KCNN2: variants seen among roughly 807,000 people sequenced by gnomAD.
The protein encoded by KCNN2 is potassium calcium-activated channel subfamily N member 2.
A neutral mutation model predicts 55.5 loss-of-function variants in KCNN2; 24 were observed. That is an observed-to-expected ratio of 0.43 (90% confidence interval 0.31 to 0.61). KCNN2 has a LOEUF of 0.61. Ranked by LOEUF, KCNN2 falls within the 20% of genes least tolerant of loss-of-function variation. The pLI is 0.08. For synonymous variants in KCNN2, 431 were observed against 336.1 expected, an observed-to-expected ratio of 1.28 and a Z score of -3.09; for missense variants, 754 against 853.6, an observed-to-expected ratio of 0.88 and a Z score of 1.45.
At chr5:114,387,893 G>A (rs1443555480) in intron 2 of KCNN2, among the ~76,000 whole-genome samples, 1 of 152,134 alleles carries the variant, frequency 6.6e-6, no homozygotes, top group African/African-American at 2.4e-5. Context: ...ATTTATCATA[G>A]GAGAAAAAGA....
chr5:114,136,680 G>A (rs1287134596), intron 1 of KCNN2, among the ~76,000 whole-genome samples: 2 of 152,114 alleles, frequency 1.3e-5, no homozygotes, highest in Non-Finnish European at 2.9e-5. Flanking sequence ...ATGAAATTGG[G>A]AATAAGACAA....
At chr5:114,332,291 C>A (rs1756838840) in intron 2 of KCNN2, among the ~76,000 whole-genome samples, 1 of 152,144 alleles carries the variant, frequency 6.6e-6, no homozygotes, top group African/African-American at 2.4e-5. Context: ...ATGTGCCAAT[C>A]CCCACACTAG....
chr5:114,442,649 A>AACG (rs1760260435), intron 3 of KCNN2, among the ~76,000 whole-genome samples: 1 of 152,174 alleles, frequency 6.6e-6, no homozygotes, highest in African/African-American at 2.4e-5. Context: ...ATGAATGGCA[A>AACG]ACGACGGAAG....
intron 2 of KCNN2, among the ~76,000 whole-genome samples, chr5:114,333,878 A>T (rs957521251): frequency 6.6e-6 from 1 of 152,198 alleles, no homozygotes; most frequent in East Asian, 1.9e-4. Flanking sequence ...GCTGTCAACT[A>T]TGTTCAACTG....
intron 1 of KCNN2, among the ~76,000 whole-genome samples, chr5:114,058,410 G>A (rs1444260676): frequency 1.3e-5 from 2 of 152,152 alleles, no homozygotes; most frequent in Admixed American, 1.3e-4. Flanking sequence ...CTGTGTTTTG[G>A]CAGGTCACAA....
At chr5:114,160,075 A>C (rs1752736138) in intron 1 of KCNN2, among the ~76,000 whole-genome samples, 1 of 151,876 alleles carries the variant, frequency 6.6e-6, no homozygotes, top group Non-Finnish European at 1.5e-5. Flanking sequence ...TTGCTTCTCT[A>C]GTTCTTTTAA....
intron 6 of KCNN2, among the ~76,000 whole-genome samples, chr5:114,489,254 C>A (rs1322569532): frequency 1.3e-5 from 2 of 152,060 alleles, no homozygotes; most frequent in Admixed American, 6.6e-5. Context: ...CCGTAAAATG[C>A]TTTCAACTTT....
intron 5 of KCNN2, among the ~76,000 whole-genome samples, chr5:114,486,227 T>C (rs1459766554): frequency 3.3e-5 from 5 of 152,218 alleles, no homozygotes; most frequent in African/African-American, 9.6e-5. Flanking sequence ...CAACTTCTTA[T>C]AGTAAGTAAT....
intron 1 of KCNN2, among the ~76,000 whole-genome samples, chr5:114,154,882 C>CT (rs1256751632): frequency 4.6e-5 from 7 of 151,848 alleles, no homozygotes; most frequent in East Asian, 3.9e-4. Context: ...AGGGAACATT[C>CT]TTTTTTTTAA....
At chr5:114,295,651 C>G (rs1170439112) in intron 2 of KCNN2, among the ~76,000 whole-genome samples, 1 of 152,142 alleles carries the variant, frequency 6.6e-6, no homozygotes, top group Non-Finnish European at 1.5e-5. Context: ...CTTGCACTTC[C>G]CAAGTGAGGC....
chr5:114,370,192 T>G (rs1298700215), intron 2 of KCNN2, among the ~76,000 whole-genome samples: 4 of 152,136 alleles, frequency 2.6e-5, no homozygotes, highest in Non-Finnish European at 5.9e-5. Context: ...TTTATGTCAT[T>G]GTTAATAAAA....
At chr5:114,210,917 A>G (rs1438667129) in intron 1 of KCNN2, among the ~76,000 whole-genome samples, 3 of 152,194 alleles carry the variant, frequency 2.0e-5, no homozygotes, top group African/African-American at 7.2e-5. Flanking sequence ...GTTACAGAAC[A>G]GACACTTTTC....
intron 3 of KCNN2, among the ~76,000 whole-genome samples, chr5:114,410,327 T>C (rs1759093299): frequency 2.6e-5 from 4 of 152,206 alleles, no homozygotes; most frequent in African/African-American, 9.6e-5. Flanking sequence ...GCACCGTTTC[T>C]GAGCAAGAAT....
chr5:114,162,226 G>A (rs991871293), intron 1 of KCNN2, among the ~76,000 whole-genome samples: 1 of 152,176 alleles, frequency 6.6e-6, no homozygotes, highest in Non-Finnish European at 1.5e-5. Flanking sequence ...TGACAGTCAG[G>A]ACCCTCAGCT....
chr5:114,496,028 G>C lies in KCNN2; in HGVS notation c.2222G>C (p.Ser741Thr), dbSNP rs755852342. The change falls in exon 8 of 8, where the codon AGC becomes ACC. Residue 741 changes from serine (S) to threonine (T), a missense_variant. Ser to Thr is a moderately conservative substitution (Grantham distance 58). This residue lies in a region of KCNN2 where 164 missense variants were observed against 156.6 expected (regional missense o/e 1.05). Coordinates refer to ENST00000673685, the MANE Select transcript of KCNN2 (RefSeq NM_021614.4). ...GSIHALPGLI[S>T]QTIRQQQRDF... Reference sequence around the variant, plus strand: ...ATCCACGCCCTCCCTGGGCTCATAAGCCAGACCATCAGGCAGCAGCAGAGA... The same window carrying C: ...ATCCACGCCCTCCCTGGGCTCATAACCCAGACCATCAGGCAGCAGCAGAGA... The C allele has an allele frequency of 5.6e-6, 9 of 1,614,052 alleles. No homozygotes were observed. Among genetic ancestry groups the C allele is most frequent in the Middle Eastern group, 1.7e-4 (1 of 6,060 alleles).
At chr5:114,112,913 T>G (rs957580000) in intron 1 of KCNN2, among the ~76,000 whole-genome samples, 2 of 152,008 alleles carry the variant, frequency 1.3e-5, no homozygotes, top group African/African-American at 4.8e-5. Flanking sequence ...ATTCCTCTTT[T>G]TGGGTAATTT....
intron 2 of KCNN2, among the ~76,000 whole-genome samples, chr5:114,246,961 T>A (rs1754758680): frequency 6.6e-6 from 1 of 151,622 alleles, no homozygotes; most frequent in African/African-American, 2.4e-5. Context: ...ATAATTTCTC[T>A]GATTTGTTAC....
intron 1 of KCNN2, among the ~76,000 whole-genome samples, chr5:114,211,845 G>C (rs1753892210): frequency 6.6e-6 from 1 of 151,602 alleles, no homozygotes. Flanking sequence ...TTTTATTTGG[G>C]CTCACTACTC....
Position 114,211,579 on chromosome 5 carries a change from AG to A in KCNN2, c.-270-9899del, listed in dbSNP as rs1244567009. ...CTACCTGAGGGAGGAGGGTGGGAGA[AG>A]GAAGATCAAAAAGATAACTGTTGGG... On this transcript the variant is annotated intron_variant, in intron 1 of 10. Transcript: ENST00000512097. 2.6e-5 allele frequency among the ~76,000 whole-genome samples: 4 copies of A among 152,088 alleles called. No homozygotes were observed. In the East Asian group the frequency reaches 7.7e-4, roughly 29 times the overall value.
Sources: gnomAD v4.1 joint callset for allele counts (sites outside exome capture counted in the v4.1 genomes callset) on GRCh38, gnomAD v4.1.1 for gene constraint, gnomAD v4.1.1 regional missense constraint, MANE v1.5 for transcripts, NCBI Gene and HGNC (gene_info 2026-07-23, HGNC 2026-07-21) for gene names.